The following TNNI3K variants were observed in gnomAD, a reference collection of about 807,000 sequenced individuals.
TNNI3K encodes the protein serine/threonine-protein kinase TNNI3K.
TNNI3K carries 140 observed loss-of-function variants against 114.5 expected under a neutral mutation model. That is an observed-to-expected ratio of 1.22 (90% CI 1.07 to 1.41). The LOEUF (loss-of-function observed/expected upper bound fraction) is 1.41. TNNI3K is among the 40% of genes most tolerant of loss of function. The pLI is 0.00. For synonymous variants in TNNI3K, 347 were observed against 347.5 expected (o/e 1.00, Z 0.02); for missense variants, 1,125 against 1,007.6 (o/e 1.12, Z -1.58).
intron 5 of TNNI3K, among the ~76,000 whole-genome samples, chr1:74,306,150 C>T (rs925843355): frequency 2.0e-5 from 3 of 152,154 alleles, no homozygotes; most frequent in African/African-American, 7.2e-5. Context: ...TGTTAATTCA[C>T]TTAACACTTA....
intron 4 of TNNI3K, among the ~76,000 whole-genome samples, chr1:74,253,106 A>G (rs933511729): frequency 3.3e-5 from 5 of 152,194 alleles, no homozygotes; most frequent in African/African-American, 9.7e-5. Context: ...AGCTAGATAC[A>G]GAGTGCCAAT....
At chr1:74,516,747 A>G (rs1368249144) in intron 23 of TNNI3K, among the ~76,000 whole-genome samples, 3 of 152,194 alleles carry the variant, frequency 2.0e-5, no homozygotes, top group African/African-American at 7.2e-5. Flanking sequence ...TTATTTCTCC[A>G]GTAGTAATAA....
At chr1:74,402,733 A>G (rs1664430559) in intron 17 of TNNI3K, among the ~76,000 whole-genome samples, 1 of 152,206 alleles carries the variant, frequency 6.6e-6, no homozygotes, top group African/African-American at 2.4e-5. Flanking sequence ...CCTTCTGGCT[A>G]TCAGCTGGAG....
chr1:74,390,834 T>C (rs1415688868), intron 17 of TNNI3K, among the ~76,000 whole-genome samples: 1 of 152,282 alleles, frequency 6.6e-6, no homozygotes, highest in South Asian at 2.1e-4. Flanking sequence ...GGGTGACATC[T>C]GAGCTGAGAT....
chr1:74,323,603 G>C (rs1483335753), intron 5 of TNNI3K, among the ~76,000 whole-genome samples: 1 of 152,086 alleles, frequency 6.6e-6, no homozygotes, highest in Admixed American at 6.6e-5. Flanking sequence ...TGCCAAAGAA[G>C]GTAGATCCAG....
At chr1:74,524,551 GC>G (rs1410066943) in intron 23 of TNNI3K, among the ~76,000 whole-genome samples, 3 of 152,176 alleles carry the variant, frequency 2.0e-5, no homozygotes, top group Admixed American at 1.3e-4. Flanking sequence ...CTGGAATGAT[GC>G]TCATAAAAGA....
chr1:74,523,885 A>G (rs1646467318), intron 23 of TNNI3K, among the ~76,000 whole-genome samples: 1 of 152,032 alleles, frequency 6.6e-6, no homozygotes, highest in South Asian at 2.1e-4. Context: ...TTAATCTGTC[A>G]TCTACATTAA....
At chr1:74,302,318 C>T (rs1658375907) in intron 5 of TNNI3K, among the ~76,000 whole-genome samples, 1 of 152,156 alleles carries the variant, frequency 6.6e-6, no homozygotes, top group South Asian at 2.1e-4. Context: ...CTACCTATTC[C>T]CTGAGACACA....
intron 11 of TNNI3K, among the ~76,000 whole-genome samples, chr1:74,363,554 G>A (rs1297213892): frequency 6.6e-6 from 1 of 151,978 alleles, no homozygotes; most frequent in Non-Finnish European, 1.5e-5. Flanking sequence ...AACATCAAGG[G>A]TGTGATCACT....
At chr1:74,368,323 C>T (rs1278397535) in intron 13 of TNNI3K, among the ~76,000 whole-genome samples, 1 of 151,760 alleles carries the variant, frequency 6.6e-6, no homozygotes, top group East Asian at 1.9e-4. Flanking sequence ...AAAATATCCC[C>T]AATAAGTAAT....
At chr1:74,491,500 A>G (rs1051519697) in intron 22 of TNNI3K, among the ~76,000 whole-genome samples, 3 of 152,168 alleles carry the variant, frequency 2.0e-5, no homozygotes, top group African/African-American at 4.8e-5. Context: ...TCAGGCTCCC[A>G]AAGTGCTGGG....
Position 74,463,535 on chromosome 1 carries a change from G to A in TNNI3K, c.2106G>A (p.Trp702Ter). The change falls in exon 21 of 25, where the codon TGG becomes TGA. Residue 702 changes from tryptophan (W) to a stop codon, truncating the protein, a stop_gained. Transcript: ENST00000326637. LOFTEE classifies it high-confidence loss of function. The part of the protein sequence containing the change: ...KPISSLLIRG[W>*]NACPEGRPEF... Reference sequence around the variant, plus strand: ...TATCATCTCTGCTGATACGAGGGTGGAACGCATGTCCTGAAGTGAGTAATT... The same window carrying A: ...TATCATCTCTGCTGATACGAGGGTGAAACGCATGTCCTGAAGTGAGTAATT... The A allele has an allele frequency of 6.2e-7, 1 of 1,614,184 alleles. No homozygotes were observed. Among genetic ancestry groups the A allele is most frequent in the Non-Finnish European group, 8.5e-7 (1 of 1,180,042 alleles).
At chr1:74,383,401 A>G (rs1447817349) in intron 17 of TNNI3K, among the ~76,000 whole-genome samples, 1 of 151,984 alleles carries the variant, frequency 6.6e-6, no homozygotes, top group South Asian at 2.1e-4. Flanking sequence ...AATACATGCT[A>G]TTCCCTCAGA....
Position 74,436,527 on chromosome 1 carries a change from G to T in TNNI3K, c.1878+1G>T. 1 of 1,583,120 alleles carries T rather than the reference G, an allele frequency of 6.3e-7. No individual in the cohort carries two copies. Among genetic ancestry groups the T allele is most frequent in the East Asian group, 2.3e-5 (1 of 43,800 alleles). ...AGACAACATGACAAAACAACCTGGG[G>T]TTTGCTGCTGCTTGTGTTTCCTATA... On this transcript the variant is annotated splice_donor_variant, in intron 19 of 24. Transcript: ENST00000326637. LOFTEE classifies it high-confidence loss of function.
At chr1:74,287,594 A>G (rs1657411488) in intron 5 of TNNI3K, among the ~76,000 whole-genome samples, 2 of 152,200 alleles carry the variant, frequency 1.3e-5, no homozygotes, top group Admixed American at 6.5e-5. Context: ...AATTGACTAA[A>G]GACTTAAATG....
intron 23 of TNNI3K, among the ~76,000 whole-genome samples, chr1:74,513,843 T>C (rs58647790): frequency 0.037 from 5,589 of 152,278 alleles, 158 homozygotes; most frequent in East Asian, 0.081. Context: ...CCTGAAAGCA[T>C]ATTTTAGATG....
In TNNI3K at chr1:74,354,128, A is replaced by C. The variant is rs756919841; in HGVS notation, c.1176A>C (p.Lys392Asn). The change falls in exon 11 of 25, where the codon AAA becomes AAC. Residue 392 changes from lysine to asparagine, a missense_variant and splice_region_variant. Transcript: ENST00000326637. ...CATGTTTGATGTGGGCTTATGAAAA[A>C]GGTATATTTTTAATCATCGTGTCTC... ...EQTCLMWAYE[K>N]GHDAIVTLLK... The C allele has an allele frequency of 5.0e-6, 8 of 1,613,952 alleles. No homozygotes were observed. The highest frequency in any genetic ancestry group is 6.8e-6 in the Non-Finnish European group (8 of 1,179,928).
At chr1:74,446,515 C>G (rs983417163) in intron 20 of TNNI3K, among the ~76,000 whole-genome samples, 5 of 146,104 alleles carry the variant, frequency 3.4e-5, no homozygotes, top group Non-Finnish European at 6.0e-5. Flanking sequence ...ATGGTAGTTT[C>G]TTTTGCTGTG....
intron 17 of TNNI3K, among the ~76,000 whole-genome samples, chr1:74,421,358 C>T (rs1339083690): frequency 3.3e-5 from 5 of 152,090 alleles, no homozygotes; most frequent in Non-Finnish European, 7.4e-5. Flanking sequence ...TGAATGATTA[C>T]ATTTGTATAG....
Sources: allele counts gnomAD v4.1 joint callset (sites outside exome capture counted in the v4.1 genomes callset), GRCh38; gene constraint gnomAD v4.1.1; transcripts MANE v1.5; gene names NCBI Gene and HGNC (gene_info 2026-07-23, HGNC 2026-07-21).